The following FBXL17 variants were observed in gnomAD, a reference collection of about 807,000 sequenced individuals.
FBXL17 encodes F-box/LRR-repeat protein 17.
FBXL17 carries 22 observed loss-of-function variants against 66.2 expected under a neutral mutation model. The observed-to-expected ratio is 0.33, with a 90% CI of 0.24 to 0.47. The LOEUF is 0.47. Among genes scored for constraint, FBXL17 ranks in the 20% least tolerant of loss-of-function variants. The pLI is 1.00. For missense variants in FBXL17, 878 were observed against 948.2 expected, an observed-to-expected ratio of 0.93 and a Z score of 0.97; for synonymous variants, 474 against 400.5, an observed-to-expected ratio of 1.18 and a Z score of -2.19.
chr5:108,037,774 T>C (rs1043826195), intron 6 of FBXL17, among the ~76,000 whole-genome samples: 2 of 152,216 alleles, frequency 1.3e-5, no homozygotes, highest in Non-Finnish European at 2.9e-5. Flanking sequence ...GAGTTTAGAA[T>C]AGTGCCTTGG....
intron 7 of FBXL17, among the ~76,000 whole-genome samples, chr5:107,953,605 C>T (rs1751571788): frequency 6.6e-6 from 1 of 152,056 alleles, no homozygotes; most frequent in Admixed American, 6.6e-5. Context: ...TCTTACTAGA[C>T]TTCACACTTC....
chr5:107,894,480 C>G (rs921653088), intron 7 of FBXL17, among the ~76,000 whole-genome samples: 35 of 152,230 alleles, frequency 2.3e-4, no homozygotes, highest in African/African-American at 8.2e-4. Flanking sequence ...AACAAACCCT[C>G]AATTTTCCTT....
intron 5 of FBXL17, among the ~76,000 whole-genome samples, chr5:108,210,891 G>A (rs1420417943): frequency 6.6e-6 from 1 of 152,112 alleles, no homozygotes; most frequent in Non-Finnish European, 1.5e-5. Flanking sequence ...TCATTGATCT[G>A]TCTAATATTG....
At chr5:107,980,542 C>T in intron 7 of FBXL17, among the ~76,000 whole-genome samples, 1 of 147,302 alleles carries the variant, frequency 6.8e-6, no homozygotes, top group Non-Finnish European at 1.5e-5. Context: ...CACCATGTTG[C>T]CCAGGTTGGT....
intron 6 of FBXL17, among the ~76,000 whole-genome samples, chr5:108,078,662 C>A (rs1364580123): frequency 6.6e-6 from 1 of 152,128 alleles, no homozygotes; most frequent in African/African-American, 2.4e-5. Flanking sequence ...GAGGTTTCAT[C>A]TATATAAAAA....
intron 7 of FBXL17, among the ~76,000 whole-genome samples, chr5:107,901,266 T>C (rs1749561234): frequency 6.6e-6 from 1 of 152,226 alleles, no homozygotes; most frequent in African/African-American, 2.4e-5. Flanking sequence ...CATGTGAAAT[T>C]GACACTTTTG....
intron 7 of FBXL17, among the ~76,000 whole-genome samples, chr5:107,883,103 T>G (rs1266166592): frequency 1.3e-5 from 2 of 152,230 alleles, no homozygotes; most frequent in East Asian, 3.8e-4. Context: ...CCTCGTGAGC[T>G]CTAGAGCATT....
At chr5:107,879,122 A>T in intron 8 of FBXL17, 1 of 985,486 alleles carries the variant, frequency 1.0e-6, no homozygotes, top group Non-Finnish European at 1.2e-6. Context: ...ATTCTCCTGT[A>T]GTAACTGTAA....
chr5:108,014,733 T>C (rs1170726733), intron 7 of FBXL17, among the ~76,000 whole-genome samples: 1 of 152,192 alleles, frequency 6.6e-6, no homozygotes, highest in Admixed American at 6.5e-5. Flanking sequence ...CATTATATAC[T>C]AGTCCGCTTT....
At chr5:107,868,452 T>A (rs1311760756) in intron 8 of FBXL17, among the ~76,000 whole-genome samples, 3 of 152,236 alleles carry the variant, frequency 2.0e-5, no homozygotes, top group Non-Finnish European at 4.4e-5. Flanking sequence ...TGCATGAGAC[T>A]TTGAAGCATG....
At chr5:107,893,258 C>T (rs1455638196) in intron 7 of FBXL17, among the ~76,000 whole-genome samples, 1 of 152,254 alleles carries the variant, frequency 6.6e-6, no homozygotes, top group South Asian at 2.1e-4. Context: ...AAGGGAGAGG[C>T]CTGGTTCTGG....
chr5:108,174,899 T>C (rs1053534595), intron 6 of FBXL17, among the ~76,000 whole-genome samples: 9 of 152,176 alleles, frequency 5.9e-5, no homozygotes, highest in Admixed American at 2.0e-4. Context: ...AATGCACTGA[T>C]TGAACATTGG....
chr5:108,144,337 C>T (rs2149989814), intron 6 of FBXL17, among the ~76,000 whole-genome samples: 1 of 152,142 alleles, frequency 6.6e-6, no homozygotes, highest in South Asian at 2.1e-4. Context: ...ATTATTTGGG[C>T]CGAATTTAGG....
chr5:108,157,420 A>G (rs1007136190), intron 6 of FBXL17, among the ~76,000 whole-genome samples: 1 of 152,052 alleles, frequency 6.6e-6, no homozygotes, highest in Non-Finnish European at 1.5e-5. Flanking sequence ...AAACATGTCA[A>G]GGTATCTCTT....
At chr5:107,991,543 T>C (rs1442647772) in intron 7 of FBXL17, among the ~76,000 whole-genome samples, 1 of 152,210 alleles carries the variant, frequency 6.6e-6, no homozygotes, top group African/African-American at 2.4e-5. Flanking sequence ...CTACTATATT[T>C]AGAGCCTATA....
intron 6 of FBXL17, among the ~76,000 whole-genome samples, chr5:108,038,649 T>C (rs1251857838): frequency 2.6e-5 from 4 of 152,032 alleles, no homozygotes; most frequent in African/African-American, 9.7e-5. Flanking sequence ...TATATTATAA[T>C]GAATAAATAT....
chr5:108,280,210 T>A (rs1283668645), intron 4 of FBXL17, among the ~76,000 whole-genome samples: 1 of 151,986 alleles, frequency 6.6e-6, no homozygotes, highest in African/African-American at 2.4e-5. Context: ...CAGCAAATTC[T>A]GAAAACAGAA....
chr5:108,127,608 G>A (rs939184608), intron 6 of FBXL17, among the ~76,000 whole-genome samples: 12 of 152,004 alleles, frequency 7.9e-5, no homozygotes, highest in Non-Finnish European at 1.5e-4. Context: ...AAGGAGCTAG[G>A]AAGGGGGAAA....
intron 7 of FBXL17, among the ~76,000 whole-genome samples, chr5:107,991,555 T>C (rs993763249): frequency 2.0e-5 from 3 of 152,330 alleles, no homozygotes; most frequent in Admixed American, 2.0e-4. Context: ...GAGCCTATAT[T>C]GGTTTTGGAG....
Sources: gnomAD v4.1 joint callset for allele counts (sites outside exome capture counted in the v4.1 genomes callset) on GRCh38, gnomAD v4.1.1 for gene constraint, MANE v1.5 for transcripts, NCBI Gene and HGNC (gene_info 2026-07-23, HGNC 2026-07-21) for gene names.